Variants in CACNB2 observed in about 807,000 individuals in gnomAD.
CACNB2 encodes voltage-dependent L-type calcium channel subunit beta-2.
A neutral mutation model predicts 73.3 loss-of-function variants in CACNB2; 42 were observed. The observed-to-expected ratio is 0.57, with a 90% CI of 0.45 to 0.74. The LOEUF is 0.74. Ranked by LOEUF, CACNB2 falls within the 30% of genes least tolerant of loss-of-function variation. The pLI, the probability that CACNB2 is intolerant of heterozygous loss-of-function variation, is 0.00. For synonymous variants in CACNB2, 348 were observed against 310.3 expected (o/e 1.12, Z -1.28); for missense variants, 940 against 853.0 (o/e 1.10, Z -1.27).
At chr10:18,232,176 T>C (rs1413609414) in intron 2 of CACNB2, among the ~76,000 whole-genome samples, 1 of 152,220 alleles carries the variant, frequency 6.6e-6, no homozygotes, top group Non-Finnish European at 1.5e-5. Context: ...GAGAAGAATT[T>C]GCCTTAAGGA....
chr10:18,301,430 C>CG (rs1554788434), intron 2 of CACNB2, among the ~76,000 whole-genome samples: 2 of 151,324 alleles, frequency 1.3e-5, no homozygotes, highest in African/African-American at 4.9e-5. Flanking sequence ...CCCCGCTCTA[C>CG]AAAAAAACAC....
At chr10:18,211,104 C>T (rs2035298539) in intron 2 of CACNB2, among the ~76,000 whole-genome samples, 1 of 152,096 alleles carries the variant, frequency 6.6e-6, no homozygotes, top group Non-Finnish European at 1.5e-5. Flanking sequence ...ATTATTTTTG[C>T]TGTTGATGTT....
At chr10:18,163,537 G>C (rs181574112) in intron 2 of CACNB2, among the ~76,000 whole-genome samples, 1 of 152,198 alleles carries the variant, frequency 6.6e-6, no homozygotes, top group African/African-American at 2.4e-5. Context: ...TTGGAAGAGG[G>C]TTGCATCCCA....
chr10:18,297,495 C>T (rs2039325636), intron 2 of CACNB2, among the ~76,000 whole-genome samples: 1 of 152,144 alleles, frequency 6.6e-6, no homozygotes, highest in Non-Finnish European at 1.5e-5. Flanking sequence ...AAGTTGGAGG[C>T]TGTAGTGAGC....
At chr10:18,486,663 C>G (rs981838498) in intron 3 of CACNB2, among the ~76,000 whole-genome samples, 1 of 152,158 alleles carries the variant, frequency 6.6e-6, no homozygotes, top group African/African-American at 2.4e-5. Flanking sequence ...AGGGTCCAGG[C>G]ATCTGTCTCT....
At chr10:18,340,693 T>G (rs2041195649) in intron 2 of CACNB2, 1 of 1,411,202 alleles carries the variant, frequency 7.1e-7, no homozygotes, top group African/African-American at 1.4e-5. Context: ...TTGACTTTGA[T>G]GAGCTCCTCT....
In CACNB2 at chr10:18,538,264, G is replaced by T; in HGVS notation, c.1387G>T (p.Ala463Ser). ...CGACTATCTGGAGGCCTACTGGAAGGCCACCCATCCTCCCAGCAGTAGCCT... is the reference window on the plus strand; with the variant it reads ...CGACTATCTGGAGGCCTACTGGAAGTCCACCCATCCTCCCAGCAGTAGCCT... ...LADYLEAYWK[A>S]THPPSSSLPN... The change falls in exon 13 of 14, where the codon GCC becomes TCC. Residue 463 changes from alanine (A) to serine (S), a missense_variant. Ala to Ser is a moderately conservative substitution (Grantham distance 99, BLOSUM62 1). Coordinates refer to ENST00000324631, the MANE Select transcript of CACNB2 (RefSeq NM_201596.3). 3 of 1,614,088 alleles carry T rather than the reference G, an allele frequency of 1.9e-6. No individual in the cohort carries two copies. Among genetic ancestry groups the T allele is most frequent in the Non-Finnish European group, 2.5e-6 (3 of 1,179,994 alleles).
At chr10:18,418,187 G>T (rs1231157202) in intron 3 of CACNB2, among the ~76,000 whole-genome samples, 1 of 152,192 alleles carries the variant, frequency 6.6e-6, no homozygotes, top group Admixed American at 6.5e-5. Context: ...CGATTCTCCT[G>T]CCTCATCCTC....
rs182343007 is a variant in CACNB2 at position 18,260,133 on chromosome 10, A to C, written c.213+109158A>C. 1.6e-3 allele frequency among the ~76,000 whole-genome samples: 251 copies of C among 152,302 alleles called. 2 individuals carry two copies. In the Middle Eastern group the frequency reaches 0.017, roughly 10 times the overall value. On this transcript the variant is annotated intron_variant, in intron 2 of 13. Coordinates refer to ENST00000324631, the MANE Select transcript of CACNB2 (RefSeq NM_201596.3). ...GTATTAGAATGGCTGATATCATACC[A>C]ATGAACAGCTGAATCTCCACATGTC...
chr10:18,531,133 C>G (rs940194734), intron 10 of CACNB2, among the ~76,000 whole-genome samples: 1 of 152,194 alleles, frequency 6.6e-6, no homozygotes, highest in African/African-American at 2.4e-5. Flanking sequence ...TTATTAATTC[C>G]TAACTGACCA....
chr10:18,399,022 A>C (rs2043856055), intron 2 of CACNB2, among the ~76,000 whole-genome samples: 1 of 152,206 alleles, frequency 6.6e-6, no homozygotes, highest in Non-Finnish European at 1.5e-5. Flanking sequence ...ATGAGACCGC[A>C]CAAAATTATG....
At chr10:18,407,778 A>G (rs367827570) in intron 3 of CACNB2, among the ~76,000 whole-genome samples, 4 of 152,278 alleles carry the variant, frequency 2.6e-5, no homozygotes, top group East Asian at 3.9e-4. Context: ...TATATTTGTC[A>G]AAATGTCTAA....
At chr10:18,442,944 G>GTATATATATATATGTATA in intron 3 of CACNB2, among the ~76,000 whole-genome samples, 1 of 19,646 alleles carries the variant, frequency 5.1e-5, no homozygotes, top group South Asian at 2.0e-3. Context: ...ATATATATGT[G>GTATATATATATATGTATA]TATATATATA....
intron 2 of CACNB2, among the ~76,000 whole-genome samples, chr10:18,237,393 T>C (rs2036487248): frequency 1.3e-5 from 2 of 152,134 alleles, no homozygotes; most frequent in Non-Finnish European, 2.9e-5. Flanking sequence ...AGAGAAAAGA[T>C]GGTCATCCAA....
chr10:18,519,367 G>A (rs982901518), intron 9 of CACNB2, among the ~76,000 whole-genome samples: 4 of 151,758 alleles, frequency 2.6e-5, no homozygotes, highest in Non-Finnish European at 4.4e-5. Flanking sequence ...CTCATCTCAC[G>A]CTCCCCCAGT....
chr10:18,454,354 T>G (rs1476669699), intron 3 of CACNB2, among the ~76,000 whole-genome samples: 1 of 152,196 alleles, frequency 6.6e-6, no homozygotes, highest in Non-Finnish European at 1.5e-5. Context: ...TTGTCATTAA[T>G]CGCCCCCTTA....
rs553628464 is a variant in CACNB2 at position 18,141,263 on chromosome 10, A to G, written c.120+407A>G. The G allele has an allele frequency of 3.9e-5, 55 of 1,401,016 alleles. No individual in the cohort carries two copies. The African/African-American group carries it at 7.0e-4, about 18-fold the overall frequency. 86.8% of individuals were successfully genotyped at this position (1,401,016 alleles called of 1,614,324 possible). ...GGGCCCGCTTCCCGCAGCGCTTTCT[A>G]CGATGCCGACTCTCCTGGCCACGCT... On this transcript the variant is annotated intron_variant, in intron 1 of 13. Transcript: ENST00000324631.
intron 2 of CACNB2, among the ~76,000 whole-genome samples, 156 bp from the exon 3 acceptor site, chr10:18,401,768 T>C (rs2044010159): frequency 6.6e-6 from 1 of 152,198 alleles, no homozygotes. Context: ...AACCAGAGCA[T>C]GGTTTTCTAG....
At chr10:18,521,075 C>T (rs1043585294) in intron 9 of CACNB2, among the ~76,000 whole-genome samples, 3 of 152,186 alleles carry the variant, frequency 2.0e-5, no homozygotes, top group Non-Finnish European at 2.9e-5. Context: ...TTTGAATGAA[C>T]GTCTGCTGCA....
Sources: allele counts gnomAD v4.1 joint callset (sites outside exome capture counted in the v4.1 genomes callset), GRCh38; gene constraint gnomAD v4.1.1; transcripts MANE v1.5; gene names NCBI Gene and HGNC (gene_info 2026-07-23, HGNC 2026-07-21).